Variants in STX8 observed in about 807,000 individuals in gnomAD.
STX8 encodes the protein syntaxin-8.
In STX8, 23 loss-of-function variants were observed where a neutral mutation model predicts 37.5. The observed-to-expected ratio is 0.61, with a 90% CI of 0.44 to 0.87. STX8 has a LOEUF of 0.87. Ranked by LOEUF, STX8 falls within the 40% of genes least tolerant of loss-of-function variation. The probability of loss-of-function intolerance (pLI) is 0.00; values close to 1 mark genes in which losing one functional copy is unlikely to be tolerated. For missense variants in STX8, 313 were observed against 284.7 expected (o/e 1.10, Z -0.71); for synonymous variants, 115 against 99.1 (o/e 1.16, Z -0.95).
intron 2 of STX8, among the ~76,000 whole-genome samples, chr17:9,567,782 G>A (rs772787668): frequency 6.6e-6 from 1 of 152,164 alleles, no homozygotes; most frequent in Non-Finnish European, 1.5e-5. Context: ...CACCTCCCAG[G>A]TTCAAGCAAT....
chr17:9,274,278 T>G (rs1224774706), intron 7 of STX8, among the ~76,000 whole-genome samples: 1 of 152,138 alleles, frequency 6.6e-6, no homozygotes, highest in Admixed American at 6.5e-5. Flanking sequence ...TGGAAAGGAT[T>G]TGATCATCAG....
At chr17:9,376,079 C>G (rs1404106447) in intron 7 of STX8, among the ~76,000 whole-genome samples, 1 of 152,060 alleles carries the variant, frequency 6.6e-6, no homozygotes, top group Non-Finnish European at 1.5e-5. Flanking sequence ...AAACTGAGGC[C>G]CAGATTAAGA....
At chr17:9,418,231 C>T (rs554675162) in intron 6 of STX8, among the ~76,000 whole-genome samples, 3 of 152,160 alleles carry the variant, frequency 2.0e-5, no homozygotes, top group South Asian at 2.1e-4. Flanking sequence ...GAATCAGAGA[C>T]GTGGTATTGG....
intron 6 of STX8, among the ~76,000 whole-genome samples, chr17:9,481,029 C>T (rs942647510): frequency 1.3e-5 from 2 of 152,098 alleles, no homozygotes; most frequent in Admixed American, 6.5e-5. Flanking sequence ...GAACTACAGG[C>T]ACCCGCCACC....
chr17:9,526,413 TG>T (rs533603369), intron 4 of STX8, among the ~76,000 whole-genome samples: 353 of 152,274 alleles, frequency 2.3e-3, no homozygotes, highest in Non-Finnish European at 3.7e-3. Flanking sequence ...GCATCCTACA[TG>T]CACGTCCTGG....
intron 4 of STX8, among the ~76,000 whole-genome samples, chr17:9,537,870 T>C (rs1184499076): frequency 6.6e-6 from 1 of 152,214 alleles, no homozygotes; most frequent in African/African-American, 2.4e-5. Context: ...ATCTATTTTT[T>C]TGAACTTATT....
At chr17:9,306,707 G>C (rs1909005493) in intron 7 of STX8, among the ~76,000 whole-genome samples, 1 of 151,872 alleles carries the variant, frequency 6.6e-6, no homozygotes, top group East Asian at 1.9e-4. Context: ...GGAGGTTGCA[G>C]TGAGCCCAGA....
intron 5 of STX8, among the ~76,000 whole-genome samples, chr17:9,494,321 A>C (rs1325659471): frequency 6.7e-6 from 1 of 148,884 alleles, no homozygotes; most frequent in East Asian, 2.1e-4. Flanking sequence ...GGCCCCCATG[A>C]TATGTTCTTA....
At chr17:9,254,675 C>T (rs144893976) in intron 7 of STX8, among the ~76,000 whole-genome samples, 9 of 152,192 alleles carry the variant, frequency 5.9e-5, no homozygotes, top group African/African-American at 2.2e-4. Flanking sequence ...GGATTACAGG[C>T]GTGAGCCACC....
chr17:9,459,095 G>A (rs1156602668), intron 6 of STX8, among the ~76,000 whole-genome samples: 1 of 152,098 alleles, frequency 6.6e-6, no homozygotes, highest in Non-Finnish European at 1.5e-5. Context: ...GCCTCCCAAA[G>A]TGCTCGAATT....
At chr17:9,535,314 C>G (rs1905985647) in intron 4 of STX8, among the ~76,000 whole-genome samples, 1 of 151,724 alleles carries the variant, frequency 6.6e-6, no homozygotes, top group Non-Finnish European at 1.5e-5. Context: ...AAAACAGGCA[C>G]TCACCTAAAT....
chr17:9,573,081 C>G (rs1245682502), intron 1 of STX8, among the ~76,000 whole-genome samples: 1 of 2,962 alleles, frequency 3.4e-4, no homozygotes, highest in African/African-American at 4.1e-4. Context: ...ACCCCCAACA[C>G]CCCCCCCCAC....
At chr17:9,261,260 C>T (rs1567758292) in intron 7 of STX8, among the ~76,000 whole-genome samples, 3 of 152,164 alleles carry the variant, frequency 2.0e-5, no homozygotes, top group South Asian at 2.1e-4. Context: ...CCTCACGGCC[C>T]GGCCAGGGCG....
At chr17:9,289,413 GT>G (rs1908224923) in intron 7 of STX8, among the ~76,000 whole-genome samples, 1 of 152,120 alleles carries the variant, frequency 6.6e-6, no homozygotes, top group African/African-American at 2.4e-5. Flanking sequence ...ACAGCTACCA[GT>G]TTGGACTGGT....
At chr17:9,528,168 A>G (rs1905655494) in intron 4 of STX8, among the ~76,000 whole-genome samples, 2 of 152,220 alleles carry the variant, frequency 1.3e-5, no homozygotes, top group South Asian at 2.1e-4. Flanking sequence ...ATGTTTGTAA[A>G]TTTATAGTTG....
intron 7 of STX8, among the ~76,000 whole-genome samples, chr17:9,331,196 A>G (rs555822316): frequency 6.6e-5 from 10 of 152,320 alleles, no homozygotes; most frequent in Admixed American, 4.6e-4. Flanking sequence ...ATCAAAGGAT[A>G]CGCTACGAAA....
chr17:9,267,608 C>T (rs1367686833), intron 7 of STX8, among the ~76,000 whole-genome samples: 1 of 152,204 alleles, frequency 6.6e-6, no homozygotes, highest in Non-Finnish European at 1.5e-5. Flanking sequence ...TTCTCTAGCT[C>T]ACTCTACAGA....
Position 9,427,347 on chromosome 17 carries a change from C to T in STX8, c.542-48694G>A, listed in dbSNP as rs946507371. ...TCTGCTGTGTGATGCCAGGAACACG[C>T]CTCCCCAGTGTGGCAGGCAGTCACC... is the stretch of plus-strand genomic sequence containing the variant. On this transcript the variant is annotated intron_variant, in intron 6 of 7. Transcript: ENST00000306357. 2.6e-5 allele frequency among the ~76,000 whole-genome samples: 4 copies of T among 152,290 alleles called. 1 individual carries two copies. The East Asian group carries it at 7.7e-4, about 29-fold the overall frequency.
At chr17:9,340,218 G>C (rs1369413726) in intron 7 of STX8, among the ~76,000 whole-genome samples, 3 of 152,220 alleles carry the variant, frequency 2.0e-5, no homozygotes, top group Admixed American at 2.0e-4. Context: ...GAGGGCAGCT[G>C]CTCCTTTCCC....
Sources: allele counts gnomAD v4.1 joint callset (sites outside exome capture counted in the v4.1 genomes callset), GRCh38; gene constraint gnomAD v4.1.1; transcripts MANE v1.5; gene names NCBI Gene and HGNC (gene_info 2026-07-23, HGNC 2026-07-21).